Variants in CCDC9B observed in about 807,000 individuals in gnomAD.
The protein encoded by CCDC9B is coiled-coil domain-containing protein 9B.
CCDC9B carries 40 observed loss-of-function variants against 47.2 expected under a neutral mutation model. That is an observed-to-expected ratio of 0.85 (90% CI 0.66 to 1.10). The LOEUF (loss-of-function observed/expected upper bound fraction) is 1.10, where lower values mean the gene tolerates loss of function less well. Ranked by LOEUF, CCDC9B falls within the 50% of genes least tolerant of loss-of-function variation. The pLI is 0.00. For synonymous variants in CCDC9B, 238 were observed against 250.7 expected, an observed-to-expected ratio of 0.95 and a Z score of 0.48; for missense variants, 662 against 651.0, an observed-to-expected ratio of 1.02 and a Z score of -0.18.
intron 9 of CCDC9B, 170 bp downstream of exon 9, chr15:40,336,404 T>C (rs1238636767): frequency 1.0e-6 from 1 of 985,314 alleles, no homozygotes; most frequent in African/African-American, 1.7e-5. Flanking sequence ...CACCAGGCTC[T>C]CGCTGCAGCC....
chr15:40,340,007 G>A lies in CCDC9B; in HGVS notation c.21C>T (p.Pro7=). 1 of 1,611,308 alleles carries A rather than the reference G, an allele frequency of 6.2e-7. No homozygotes were observed. The highest frequency in any genetic ancestry group is 8.5e-7 in the Non-Finnish European group (1 of 1,178,236). The part of the protein sequence containing the change: MHSAGT[P]RAESPMSRQE... ...GCCTGCTCATGGGGGACTCGGCTCT[G>A]GGAGTTCCCTGCAGAGGCAGGGAAC... Residue 7 remains proline, a synonymous_variant, in exon 2 of 11, where the codon CCC becomes CCT. Coordinates refer to ENST00000397536, the MANE Select transcript of CCDC9B (RefSeq NM_207380.3).
rs73397308 is a variant in CCDC9B at position 40,340,506 on chromosome 15, G to A, written c.12+302C>T. 4.0e-3 allele frequency: 1,805 copies of A among 449,194 alleles called. 31 individuals are homozygous for A. Among genetic ancestry groups the A allele is most frequent in the African/African-American group, 0.034 (1,662 of 49,334 alleles). 27.8% of individuals were successfully genotyped at this position (449,194 alleles called of 1,614,324 possible). A position where few individuals can be genotyped will look rare whatever the true frequency, so the allele number is the denominator to read the frequency against. Reference sequence around the variant, plus strand: ...CCGCACCTAGGCCTGTGCCCAGCCTGGAGGAAAGAGCCGCTCCCAGGGGCC... The same window carrying A: ...CCGCACCTAGGCCTGTGCCCAGCCTAGAGGAAAGAGCCGCTCCCAGGGGCC... On this transcript the variant is annotated intron_variant, in intron 1 of 10. Coordinates refer to ENST00000397536, the MANE Select transcript of CCDC9B (RefSeq NM_207380.3).
In CCDC9B at chr15:40,339,437, G is replaced by A. The variant is rs1045605331; in HGVS notation, c.231+75C>T. ...TAGTTAGTAGGAGAGGGGAACAGAG[G>A]CAGCTGTCTTTCCCCGACATGGTCT... On this transcript the variant is annotated intron_variant, in intron 3 of 10. Transcript: ENST00000397536. 4.7e-6 allele frequency: 7 copies of A among 1,486,350 alleles called. No individual in the cohort carries two copies. The African/African-American group carries it at 8.3e-5, about 18-fold the overall frequency. 92.1% of individuals were successfully genotyped at this position (1,486,350 alleles called of 1,614,324 possible).
intron 7 of CCDC9B, 78 bp downstream of exon 7, chr15:40,337,310 G>T: frequency 7.7e-7 from 1 of 1,295,590 alleles, no homozygotes; most frequent in Non-Finnish European, 1.1e-6. Flanking sequence ...GAGACTAAGA[G>T]ACAGAGAAAA....
At position 40,339,537 on chromosome 15, in the gene CCDC9B, G is replaced by A. The variant is rs1889041700; in HGVS notation, c.206C>T (p.Thr69Ile). The change falls in exon 3 of 11, where the codon ACC becomes ATC. Residue 69 changes from threonine (T) to isoleucine (I), a missense_variant. Thr to Ile is a moderately conservative substitution (Grantham distance 89, BLOSUM62 -1). Coordinates refer to ENST00000397536, the MANE Select transcript of CCDC9B (RefSeq NM_207380.3). ...TPALLQPDGLTVTISQVPGEK... is the reference protein window; with the variant it reads ...TPALLQPDGLIVTISQVPGEK... ...ACCGGGAACCTGGCTGATGGTAACG[G>A]TGAGGCCATCAGGCTGGAGGAGTGC... 1.9e-6 allele frequency: 3 copies of A among 1,613,748 alleles called. No individual in the cohort carries two copies. Among genetic ancestry groups the A allele is most frequent in the African/African-American group, 2.7e-5 (2 of 75,020 alleles).
rs1313628167 is a variant in CCDC9B at position 40,332,388 on chromosome 15, A to C, written c.*2770T>G. 6.6e-6 allele frequency: 1 copy of C among 152,194 alleles called. No individual in the cohort carries two copies. Among genetic ancestry groups the C allele is most frequent in the Non-Finnish European group, 1.5e-5 (1 of 68,032 alleles). 9.4% of individuals were successfully genotyped at this position (152,194 alleles called of 1,614,324 possible). On this transcript the variant is annotated 3_prime_UTR_variant, in exon 11 of 11. Transcript: ENST00000397536. ...AAAGAGCTCAATGTTACCTGCCTAC[A>C]CTACCATCTTCCTGCAATGAAGAGG...
Position 40,335,078 on chromosome 15 carries a change from T to C in CCDC9B, c.*80A>G, listed in dbSNP as rs1437145193. 2.3e-6 allele frequency: 3 copies of C among 1,314,924 alleles called. No homozygotes were observed. The highest frequency in any genetic ancestry group is 2.4e-5 in the East Asian group (1 of 41,398). 81.5% of individuals were successfully genotyped at this position (1,314,924 alleles called of 1,614,324 possible). The stretch of plus-strand genomic sequence containing the variant: ...ATGGCGCAAGCCACCGGCAACCACA[T>C]GGCCATCACGCGGAGGGCCTTTAAC... On this transcript the variant is annotated 3_prime_UTR_variant, in exon 11 of 11. Coordinates refer to ENST00000397536, the MANE Select transcript of CCDC9B (RefSeq NM_207380.3).
rs140753525 is a variant in CCDC9B at position 40,332,733 on chromosome 15, T to A, written c.*2425A>T. Reference sequence around the variant, plus strand: ...GATCACAATCATTTTTGGAGACATCTGCCTGATGTCTCCAAAATCTAAGGG... The same window carrying A: ...GATCACAATCATTTTTGGAGACATCAGCCTGATGTCTCCAAAATCTAAGGG... On this transcript the variant is annotated 3_prime_UTR_variant, in exon 11 of 11. Transcript: ENST00000397536. 12 of 152,262 alleles carry A rather than the reference T, an allele frequency of 7.9e-5. No individual in the cohort carries two copies. The East Asian group carries it at 2.1e-3, about 27-fold the overall frequency. 9.4% of individuals were successfully genotyped at this position (152,262 alleles called of 1,614,324 possible). A position where few individuals can be genotyped will look rare whatever the true frequency, so the allele number is the denominator to read the frequency against.
rs377093193 is a variant in CCDC9B, at chr15:40,340,831, G to A, written c.-12C>T. ...ACAGCCGAGTGCATGGCAACGGCGG[G>A]CACCGAGAGAATTCCAGAGCAGCCC... On this transcript the variant is annotated 5_prime_UTR_variant, in exon 1 of 11. Coordinates refer to ENST00000397536, the MANE Select transcript of CCDC9B (RefSeq NM_207380.3). The A allele has an allele frequency of 1.2e-6, 2 of 1,604,106 alleles. No individual in the cohort carries two copies. Among genetic ancestry groups the A allele is most frequent in the Admixed American group, 1.7e-5 (1 of 59,120 alleles).
In CCDC9B at chr15:40,335,244, G is replaced by A; in HGVS notation, c.1387C>T (p.Pro463Ser). The stretch of plus-strand genomic sequence containing the variant: ...GACCTTTGGCTGCCTCCTCTCGTGG[G>A]CCGGCTTCTCGGGGCCAGGCCCTGC... ...AQQGLAPRSR[P>S]TRGGSQRSRG... Residue 463 changes from proline (P) to serine (S), a missense_variant, in exon 11 of 11, where the codon CCC becomes TCC. Physicochemically the swap from Pro to Ser is moderately conservative, Grantham distance 74. Coordinates refer to ENST00000397536, the MANE Select transcript of CCDC9B (RefSeq NM_207380.3). 6.3e-7 allele frequency: 1 copy of A among 1,595,312 alleles called. No individual in the cohort carries two copies.
At position 40,335,764 on chromosome 15, in the gene CCDC9B, T is replaced by A; in HGVS notation, c.930+20A>T. The A allele has an allele frequency of 6.2e-7, 1 of 1,608,458 alleles. No homozygotes were observed. Among genetic ancestry groups the A allele is most frequent in the Non-Finnish European group, 8.5e-7 (1 of 1,177,368 alleles). ...GGGCTCGCGTCCCCAGCCTGCCCCA[T>A]CCTATACCCAAGTACCTACCTCCTG... On this transcript the variant is annotated intron_variant, in intron 10 of 10. Coordinates refer to ENST00000397536, the MANE Select transcript of CCDC9B (RefSeq NM_207380.3).
Position 40,338,781 on chromosome 15 carries a change from C to T in CCDC9B, c.354G>A (p.Val118=), listed in dbSNP as rs772371096. The T allele has an allele frequency of 2.2e-5, 35 of 1,613,998 alleles. No homozygotes were observed. Among genetic ancestry groups the T allele is most frequent in the Non-Finnish European group, 2.8e-5 (33 of 1,179,886 alleles). The change falls in exon 4 of 11, where the codon GTG becomes GTA. Residue 118 remains valine (V), a synonymous_variant. Coordinates refer to ENST00000397536, the MANE Select transcript of CCDC9B (RefSeq NM_207380.3). ...HGGTFCLGEL[V]ELAVTMENKA... ...TGTTCTCCATGGTCACAGCCAGCTC[C>T]ACCAGCTCCCCTAAGCAGAAAGTAC...
chr15:40,339,694 A>G, intron 2 of CCDC9B, 75 bp from the exon 3 acceptor site: 1 of 1,590,474 alleles, frequency 6.3e-7, no homozygotes, highest in South Asian at 1.1e-5. Context: ...ATAGGCCTAC[A>G]CAGAGAGACA....
chr15:40,338,970 G>C (rs555001762), intron 3 of CCDC9B, 67 bp from the exon 4 acceptor site: 2 of 1,578,614 alleles, frequency 1.3e-6, no homozygotes, highest in Admixed American at 1.7e-5. Context: ...GGGTCCTCTC[G>C]GTGGTTCCCC....
chr15:40,335,204 C>T lies in CCDC9B; in HGVS notation c.1427G>A (p.Gly476Asp), dbSNP rs760423120. The stretch of plus-strand genomic sequence containing the variant: ...AGGGCGCCCTGTCCTGCGCCTCACA[C>T]CTGCTGTGCCTCTCGACCTTTGGCT... ...GGSQRSRGTA[G>D]VRRRTGRPGP... The change falls in exon 11 of 11, where the codon GGT becomes GAT. Residue 476 changes from glycine (G) to aspartate (D), a missense_variant. Physicochemically the swap from Gly to Asp is moderately conservative, Grantham distance 94. Transcript: ENST00000397536. 6.4e-7 allele frequency: 1 copy of T among 1,559,734 alleles called. No individual in the cohort carries two copies. Among genetic ancestry groups the T allele is most frequent in the Admixed American group, 1.8e-5 (1 of 54,302 alleles).
Position 40,336,864 on chromosome 15 carries a change from A to G in CCDC9B, c.743-51T>C. 2.6e-6 allele frequency: 4 copies of G among 1,530,208 alleles called. No homozygotes were observed. In the African/African-American group the frequency reaches 4.2e-5, roughly 16 times the overall value. 94.8% of individuals were successfully genotyped at this position (1,530,208 alleles called of 1,614,324 possible). A position where few individuals can be genotyped will look rare whatever the true frequency, so the allele number is the denominator to read the frequency against. On this transcript the variant is annotated intron_variant, in intron 7 of 10. Coordinates refer to ENST00000397536, the MANE Select transcript of CCDC9B (RefSeq NM_207380.3). ...AAGGTGGGGTGACAAAGGATCCAAA[A>G]CAGGAACACCAGTTCTTCCAGCCTC...
In CCDC9B at chr15:40,337,388, C is replaced by T. The variant is rs751347199; in HGVS notation, c.742G>A (p.Gly248Ser). 1 of 1,611,926 alleles carries T rather than the reference C, an allele frequency of 6.2e-7. No homozygotes were observed. The highest frequency in any genetic ancestry group is 8.5e-7 in the Non-Finnish European group (1 of 1,178,840). Residue 248 changes from glycine to serine, a missense_variant and splice_region_variant, in exon 7 of 11, where the codon GGT becomes AGT. By Grantham distance (56) the Gly-to-Ser change is moderately conservative (BLOSUM62 0). Coordinates refer to ENST00000397536, the MANE Select transcript of CCDC9B (RefSeq NM_207380.3). ...AGGGATGAGGTAGGTGTGGGCTCAC[C>T]CCTTCTGCTGCCTGCCCTGGCCGGG... ...EGPARAGSRR[G>S]PRSHQKLQPP... is the part of the protein sequence containing the mutation.
Position 40,339,349 on chromosome 15 carries a change from C to T in CCDC9B, c.231+163G>A, listed in dbSNP as rs752513314. ...GGTAGGGGGGCTTTCAGCTGTGGCT[C>T]TTTGGTGGGGACAGCAGTGGTCCGA... On this transcript the variant is annotated intron_variant, in intron 3 of 10. Coordinates refer to ENST00000397536, the MANE Select transcript of CCDC9B (RefSeq NM_207380.3). 5.9e-6 allele frequency: 4 copies of T among 682,506 alleles called. No individual in the cohort carries two copies. The Admixed American group carries it at 8.0e-5, about 14-fold the overall frequency. The allele number at this position is 682,506 out of a possible 1,614,324, so 42.3% of individuals were successfully genotyped here.
intron 1 of CCDC9B, 145 bp downstream of exon 1, chr15:40,340,663 T>C: frequency 1.4e-6 from 1 of 722,842 alleles, no homozygotes. Context: ...TCTGTCTGGA[T>C]GCAGGTTCTC....
Sources: allele counts gnomAD v4.1 joint callset, GRCh38; gene constraint gnomAD v4.1.1; transcripts MANE v1.5; gene names NCBI Gene and HGNC (gene_info 2026-07-23, HGNC 2026-07-21).